The following DGKB variants were observed in gnomAD, a reference collection of about 807,000 sequenced individuals.
DGKB encodes the protein 90 kDa diacylglycerol kinase.
Under a neutral mutation model 114.3 loss-of-function variants are expected in DGKB, and 67 were observed. The ratio of observed to expected loss-of-function variants is 0.59; its 90% CI spans 0.48 to 0.72. DGKB has a LOEUF of 0.72. DGKB is among the 30% of genes least tolerant of loss of function. The pLI, the probability that DGKB is intolerant of heterozygous loss-of-function variation, is 0.00. For synonymous variants in DGKB, 398 were observed against 323.1 expected, an observed-to-expected ratio of 1.23 and a Z score of -2.49; for missense variants, 907 against 975.2, an observed-to-expected ratio of 0.93 and a Z score of 0.93.
At chr7:14,267,845 A>G (rs1584829406) in intron 23 of DGKB, among the ~76,000 whole-genome samples, 1 of 152,134 alleles carries the variant, frequency 6.6e-6, no homozygotes, top group African/African-American at 2.4e-5. Context: ...AGATAACTAG[A>G]ACATAGGGTA....
rs180893936 is a variant in DGKB, at chr7:14,387,543, G to C, written c.1836-42152C>G. 8.5e-5 allele frequency among the ~76,000 whole-genome samples: 13 copies of C among 152,134 alleles called. No homozygotes were observed. The East Asian group carries it at 2.3e-3, about 27-fold the overall frequency. On this transcript the variant is annotated intron_variant, in intron 21 of 25. Coordinates refer to ENST00000402815, the MANE Select transcript of DGKB (RefSeq NM_001350709.2). ...TCCTCCCACCTAAGCCTTCAGAGTA[G>C]CTGGGACTATAGGTCTGTGCCAACA...
chr7:14,604,378 GA>G (rs946568544), intron 17 of DGKB, among the ~76,000 whole-genome samples: 1 of 151,292 alleles, frequency 6.6e-6, no homozygotes, highest in South Asian at 2.1e-4. Flanking sequence ...CATAGTTTTT[GA>G]AAAAAAATAA....
intron 25 of DGKB, 178 bp downstream of exon 25, chr7:14,176,661 A>AT (rs1781784093): frequency 7.2e-7 from 1 of 1,381,612 alleles, no homozygotes; most frequent in African/African-American, 1.5e-5. Flanking sequence ...TGCCAAGGGT[A>AT]TATAATGTCT....
intron 23 of DGKB, among the ~76,000 whole-genome samples, chr7:14,261,239 T>A (rs1195589378): frequency 1.3e-5 from 2 of 150,402 alleles, no homozygotes; most frequent in Non-Finnish European, 3.0e-5. Flanking sequence ...AAATCTGTCA[T>A]TTCAGTGAAA....
At position 14,212,353 on chromosome 7, in the gene DGKB, CAT is replaced by C. The variant is rs1289430965; in HGVS notation, c.2123-34204_2123-34203del. Among the ~76,000 whole-genome samples, 162 of 50,334 alleles carry C rather than the reference CAT, an allele frequency of 3.2e-3. 34 individuals are homozygous for C. Among genetic ancestry groups the C allele is most frequent in the African/African-American group, 4.9e-3 (40 of 8,220 alleles). 33.0% of individuals were successfully genotyped at this position (50,334 alleles called of 152,430 possible). On this transcript the variant is annotated intron_variant, in intron 23 of 25. Coordinates refer to ENST00000402815, the MANE Select transcript of DGKB (RefSeq NM_001350709.2). The stretch of plus-strand genomic sequence containing the variant: ...TCTCATGTTTTGTGATATTTACTCT[CAT>C]GTTTTGTGATTTTACTCTCGTGTTT...
At chr7:14,154,866 C>T (rs1378661493) in intron 25 of DGKB, among the ~76,000 whole-genome samples, 2 of 146,278 alleles carry the variant, frequency 1.4e-5, no homozygotes, top group African/African-American at 5.0e-5. Context: ...TTTTTCGTTA[C>T]ACGTGCATAT....
chr7:14,260,640 A>G (rs1796634215), intron 23 of DGKB, among the ~76,000 whole-genome samples: 1 of 152,184 alleles, frequency 6.6e-6, no homozygotes, highest in Non-Finnish European at 1.5e-5. Flanking sequence ...GGAACTTTCT[A>G]TCGGTATAAT....
intron 2 of DGKB, among the ~76,000 whole-genome samples, chr7:14,805,075 CT>C (rs776793358): frequency 5.3e-4 from 80 of 151,980 alleles, no homozygotes; most frequent in African/African-American, 1.7e-3. Context: ...TGTTCTTCTC[CT>C]TGTATTATTC....
At chr7:14,220,630 T>C (rs2128322368) in intron 23 of DGKB, among the ~76,000 whole-genome samples, 1 of 151,694 alleles carries the variant, frequency 6.6e-6, no homozygotes, top group East Asian at 1.9e-4. Flanking sequence ...AAATGAATTT[T>C]AGAATCACCT....
intron 1 of DGKB, among the ~76,000 whole-genome samples, chr7:14,946,408 T>C (rs1327161724): frequency 2.6e-5 from 4 of 151,736 alleles, no homozygotes; most frequent in Non-Finnish European, 5.9e-5. Flanking sequence ...ACTGTCTTCT[T>C]AATATATTTC....
chr7:14,682,965 C>G, intron 10 of DGKB, 124 bp from the exon 11 acceptor site: 2 of 678,868 alleles, frequency 2.9e-6, no homozygotes, highest in South Asian at 3.6e-5. Context: ...TCCAATCAGC[C>G]ACATCAAGGA....
At chr7:14,314,498 G>A (rs556497701) in intron 23 of DGKB, among the ~76,000 whole-genome samples, 3 of 152,202 alleles carry the variant, frequency 2.0e-5, no homozygotes, top group East Asian at 1.9e-4. Context: ...GAAGGCTCAG[G>A]AGCCGATGTG....
intron 21 of DGKB, among the ~76,000 whole-genome samples, chr7:14,366,765 G>C (rs1388330170): frequency 6.6e-6 from 1 of 152,060 alleles, no homozygotes; most frequent in African/African-American, 2.4e-5. Flanking sequence ...ATTAAATATA[G>C]ATGCTAGTAA....
intron 1 of DGKB, among the ~76,000 whole-genome samples, chr7:14,861,995 C>T (rs188240790): frequency 6.6e-6 from 1 of 152,066 alleles, no homozygotes; most frequent in East Asian, 1.9e-4. Context: ...CCAGCACTTA[C>T]CACTGATCCA....
chr7:14,511,882 T>G (rs191140012), intron 20 of DGKB, among the ~76,000 whole-genome samples: 17 of 152,280 alleles, frequency 1.1e-4, no homozygotes, highest in Admixed American at 4.6e-4. Context: ...CTGCAGCTTC[T>G]CCATCAGCAG....
At chr7:14,456,734 T>C (rs2128857498) in intron 21 of DGKB, among the ~76,000 whole-genome samples, 1 of 152,234 alleles carries the variant, frequency 6.6e-6, no homozygotes, top group Non-Finnish European at 1.5e-5. Context: ...TTGTTTCAAG[T>C]TTATATAAAG....
chr7:14,198,383 A>G (rs1468791869), intron 23 of DGKB, among the ~76,000 whole-genome samples: 2 of 152,036 alleles, frequency 1.3e-5, no homozygotes, highest in African/African-American at 4.8e-5. Context: ...GGCAGAAGAC[A>G]TGAGTTCCCT....
intron 20 of DGKB, among the ~76,000 whole-genome samples, chr7:14,530,691 G>A (rs1014041679): frequency 6.6e-6 from 1 of 151,462 alleles, no homozygotes; most frequent in Non-Finnish European, 1.5e-5. Context: ...TAGCAAGGTA[G>A]TTCAAACTGA....
chr7:14,387,549 A>G (rs1376235018), intron 21 of DGKB, among the ~76,000 whole-genome samples: 2 of 151,946 alleles, frequency 1.3e-5, no homozygotes, highest in African/African-American at 2.4e-5. Context: ...AGTAGCTGGG[A>G]CTATAGGTCT....
Sources: allele counts gnomAD v4.1 joint callset (sites outside exome capture counted in the v4.1 genomes callset), GRCh38; gene constraint gnomAD v4.1.1; transcripts MANE v1.5; gene names NCBI Gene and HGNC (gene_info 2026-07-23, HGNC 2026-07-21).